Variants in RBM6 observed in about 807,000 individuals in gnomAD.
The protein encoded by RBM6 is RNA binding motif protein 6.
A neutral mutation model predicts 140.4 loss-of-function variants in RBM6; 23 were observed. The observed-to-expected ratio is 0.16, with a 90% CI of 0.12 to 0.23. RBM6 has a LOEUF of 0.23. Ranked by LOEUF, RBM6 falls within the 10% of genes least tolerant of loss-of-function variation. The pLI is 1.00. For synonymous variants in RBM6, 439 were observed against 475.6 expected, an observed-to-expected ratio of 0.92 and a Z score of 1.00; for missense variants, 1,139 against 1,386.7, an observed-to-expected ratio of 0.82 and a Z score of 2.84.
At chr3:50,046,309 G>A (rs1398647342) in intron 6 of RBM6, among the ~76,000 whole-genome samples, 1 of 151,166 alleles carries the variant, frequency 6.6e-6, no homozygotes, top group Non-Finnish European at 1.5e-5. Flanking sequence ...GCCAGGCGCA[G>A]TGGCTTACGC....
intron 6 of RBM6, among the ~76,000 whole-genome samples, chr3:50,025,805 A>G (rs1462379216): frequency 1.3e-5 from 2 of 151,912 alleles, no homozygotes; most frequent in African/African-American, 4.8e-5. Flanking sequence ...TATGTCTCCT[A>G]GTGTAGGTAT....
intron 15 of RBM6, 38 bp from the exon 16 acceptor site, chr3:50,064,993 A>C (rs763868212): frequency 3.3e-6 from 5 of 1,530,350 alleles, no homozygotes; most frequent in Non-Finnish European, 1.8e-6. Context: ...AGTTATTATG[A>C]GTGAATATCA....
At chr3:49,957,755 T>C (rs368031390) in intron 1 of RBM6, among the ~76,000 whole-genome samples, 15 of 152,240 alleles carry the variant, frequency 9.9e-5, no homozygotes, top group East Asian at 9.7e-4. Flanking sequence ...AAGTGAAAAG[T>C]AGGAGTTACA....
chr3:50,025,790 G>A (rs968241601), intron 6 of RBM6, among the ~76,000 whole-genome samples: 9 of 151,706 alleles, frequency 5.9e-5, no homozygotes, highest in Admixed American at 1.3e-4. Flanking sequence ...CCCCTGCTCT[G>A]TATATATGTC....
intron 6 of RBM6, among the ~76,000 whole-genome samples, chr3:50,015,402 G>A (rs1303895720): frequency 1.3e-5 from 2 of 149,082 alleles, no homozygotes; most frequent in Admixed American, 6.7e-5. Context: ...CACTGTGCCT[G>A]GCAAAATTTT....
At chr3:49,999,019 T>G (rs1194520047) in intron 5 of RBM6, among the ~76,000 whole-genome samples, 5 of 151,966 alleles carry the variant, frequency 3.3e-5, no homozygotes, top group Non-Finnish European at 5.9e-5. Context: ...ATTGCTTTTT[T>G]TTCTTCTCTC....
chr3:50,049,172 G>A (rs1323695678), intron 7 of RBM6, among the ~76,000 whole-genome samples: 8 of 151,636 alleles, frequency 5.3e-5, no homozygotes, highest in South Asian at 2.1e-4. Context: ...GCAGTGGCGC[G>A]ATCTCAGCTC....
At chr3:49,964,517 C>T (rs1404860159) in intron 2 of RBM6, among the ~76,000 whole-genome samples, 1 of 152,170 alleles carries the variant, frequency 6.6e-6, no homozygotes, top group Non-Finnish European at 1.5e-5. Context: ...CACTCTTACT[C>T]ATTTGCAGAT....
At chr3:49,952,130 G>A (rs1455735210) in intron 1 of RBM6, among the ~76,000 whole-genome samples, 1 of 152,028 alleles carries the variant, frequency 6.6e-6, no homozygotes, top group Non-Finnish European at 1.5e-5. Flanking sequence ...TGCCTCCCGA[G>A]TTCAAGTGAT....
intron 6 of RBM6, among the ~76,000 whole-genome samples, chr3:50,039,482 ACCC>A (rs10546220): frequency 0.65 from 81,096 of 123,978 alleles, 25,091 homozygotes; most frequent in East Asian, 0.88. Flanking sequence ...CAGGTGATCC[ACCC>A]CCCCCCCCCC....
intron 4 of RBM6, 54 bp downstream of exon 4, chr3:49,972,202 C>G: frequency 7.2e-7 from 1 of 1,392,824 alleles, no homozygotes; most frequent in Non-Finnish European, 1.0e-6. Context: ...TTAAAAAAAC[C>G]TTTTAATTTG....
intron 6 of RBM6, among the ~76,000 whole-genome samples, chr3:50,013,298 G>T (rs1160679451): frequency 6.6e-6 from 1 of 152,028 alleles, no homozygotes; most frequent in Non-Finnish European, 1.5e-5. Context: ...CAGGTGCTGG[G>T]GTTGGAGGTC....
intron 14 of RBM6, 54 bp from the exon 15 acceptor site, chr3:50,061,908 T>TTGCTGGGAAAC: frequency 6.3e-7 from 1 of 1,585,554 alleles, no homozygotes; most frequent in Non-Finnish European, 8.6e-7. Context: ...AGACCTGGAA[T>TTGCTGGGAAAC]TGCTGGGAAA....
At chr3:49,988,059 T>C (rs1397632241) in intron 5 of RBM6, among the ~76,000 whole-genome samples, 1 of 152,266 alleles carries the variant, frequency 6.6e-6, no homozygotes, top group Non-Finnish European at 1.5e-5. Context: ...GATGGTGTTA[T>C]ATCATTTGTG....
chr3:49,965,976 A>AG (rs200228930), intron 2 of RBM6, among the ~76,000 whole-genome samples: 3,082 of 152,218 alleles, frequency 0.02, 30 homozygotes, highest in Middle Eastern at 0.034. Context: ...AAATAAAAAA[A>AG]TTAGCTGGGC....
intron 6 of RBM6, among the ~76,000 whole-genome samples, chr3:49,999,769 GAA>G (rs11293132): frequency 4.1e-4 from 60 of 145,038 alleles, no homozygotes; most frequent in African/African-American, 8.0e-4. Context: ...ACAATAGTTG[GAA>G]AAAAAAAAAA....
intron 1 of RBM6, among the ~76,000 whole-genome samples, chr3:49,943,334 G>A (rs1031583374): frequency 1.3e-5 from 2 of 151,582 alleles, no homozygotes; most frequent in Admixed American, 1.3e-4. Flanking sequence ...ACAGGGTCTT[G>A]CTCTGTTGCC....
At chr3:50,021,740 C>CTTTTTTTTTTTTTTTTTTTTTTATTTTT (rs2087493694) in intron 6 of RBM6, among the ~76,000 whole-genome samples, 1 of 42,732 alleles carries the variant, frequency 2.3e-5, no homozygotes, top group African/African-American at 8.9e-5. Context: ...AATTTAAGTG[C>CTTTTTTTTTTTTTTTTTTTTTTATTTTT]TTTTTTTTTT....
chr3:49,970,417 G>A (rs1171203111), intron 3 of RBM6, among the ~76,000 whole-genome samples: 1 of 152,076 alleles, frequency 6.6e-6, no homozygotes, highest in African/African-American at 2.4e-5. Flanking sequence ...GTTTTATGAT[G>A]CTGATTTACA....
Sources: gnomAD v4.1 joint callset for allele counts (sites outside exome capture counted in the v4.1 genomes callset) on GRCh38, gnomAD v4.1.1 for gene constraint, MANE v1.5 for transcripts, NCBI Gene and HGNC (gene_info 2026-07-23, HGNC 2026-07-21) for gene names.